Variants in PLAGL1 observed in about 807,000 individuals in gnomAD.
PLAGL1 encodes zinc finger protein PLAGL1.
PLAGL1 carries 1 observed loss-of-function variant against 4.6 expected under a neutral mutation model. The ratio of observed to expected loss-of-function variants is 0.22; its 90% confidence interval spans 0.08 to 1.03. The LOEUF is 1.03. PLAGL1 is among the 50% of genes least tolerant of loss of function. PLAGL1 has a pLI of 0.58. For synonymous variants in PLAGL1, 240 were observed against 237.8 expected, an observed-to-expected ratio of 1.01 and a Z score of -0.08; for missense variants, 464 against 570.4, an observed-to-expected ratio of 0.81 and a Z score of 1.90.
In PLAGL1 at chr6:143,952,360, T is replaced by C. The variant is rs1421064993; in HGVS notation, c.-324-3900A>G. ...CTGTGACTTGACATAGAAATTGCAT[T>C]TGAGTCTTAAATACGGTGCTATTTC... On this transcript the variant is annotated intron_variant, in intron 6 of 7. Coordinates refer to ENST00000674357, the MANE Select transcript of PLAGL1 (RefSeq NM_001317162.2). The surrounding 1 kb of genome is among the most constrained non-coding windows in gnomAD (Gnocchi z 6.1). Among the ~76,000 whole-genome samples, 2 of 152,144 alleles carry C rather than the reference T, an allele frequency of 1.3e-5. No individual in the cohort carries two copies. The highest frequency in any genetic ancestry group is 2.9e-5 in the Non-Finnish European group (2 of 68,024).
Position 144,006,089 on chromosome 6 carries a change from T to C in PLAGL1, c.-584+2001A>G, listed in dbSNP as rs1285508301. The C allele has an allele frequency of 6.6e-6, 1 of 152,200 alleles. No homozygotes were observed. Among genetic ancestry groups the C allele is most frequent in the East Asian group, 1.9e-4 (1 of 5,198 alleles). 9.4% of individuals were successfully genotyped at this position (152,200 alleles called of 1,614,324 possible). On this transcript the variant is annotated intron_variant, in intron 1 of 7. Transcript: ENST00000674357. This position sits in a 1 kb window ranked among gnomAD's most constrained non-coding sequence, Gnocchi z 4.3. Reference sequence around the variant, plus strand: ...CTCCTAAATGCTTTTTGAAATATTATAAATTAAGTTATAAGAATACATAAA... The same window carrying C: ...CTCCTAAATGCTTTTTGAAATATTACAAATTAAGTTATAAGAATACATAAA...
intron 1 of PLAGL1, among the ~76,000 whole-genome samples, chr6:144,018,541 A>T (rs761442002): frequency 6.6e-6 from 1 of 152,242 alleles, no homozygotes; most frequent in Non-Finnish European, 1.5e-5. Flanking sequence ...ACCACAAAAA[A>T]TAAGTATGTG....
intron 1 of PLAGL1, among the ~76,000 whole-genome samples, chr6:144,032,429 T>C (rs1261270393): frequency 6.6e-6 from 1 of 151,616 alleles, no homozygotes; most frequent in East Asian, 1.9e-4. Context: ...CAGCTACTTA[T>C]TGCAATTTTT....
intron 2 of PLAGL1, among the ~76,000 whole-genome samples, chr6:143,977,427 G>C (rs970135044): frequency 3.5e-5 from 5 of 141,950 alleles, no homozygotes; most frequent in Admixed American, 7.0e-5. Flanking sequence ...TTCATGGCTT[G>C]ATAGCTCACT....
chr6:144,027,269 AAGAAAGAAAGAAAGAAAG>A lies in PLAGL1; in HGVS notation c.-151+37181_-151+37198del, dbSNP rs1415912614. ...AAAGAAAGAAAGAAAGAAAGAAAGA[AAGAAAGAAAGAAAGAAAG>A]AAAGAAAGTTATTTGATCTGAAGTA... is the stretch of plus-strand genomic sequence containing the variant. On this transcript the variant is annotated intron_variant, in intron 1 of 3. Transcript: ENST00000437412. This position sits in a 1 kb window ranked among gnomAD's most constrained non-coding sequence, Gnocchi z 5.8. Among the ~76,000 whole-genome samples the A allele has an allele frequency of 6.8e-6, 1 of 146,478 alleles. No homozygotes were observed. Among genetic ancestry groups the A allele is most frequent in the Admixed American group, 7.3e-5 (1 of 13,748 alleles).
chr6:144,036,821 C>T lies in PLAGL1; in HGVS notation c.-151+27647G>A, dbSNP rs1797281007. On this transcript the variant is annotated intron_variant, in intron 1 of 3. Coordinates refer to the PLAGL1 transcript ENST00000437412. This position sits in a 1 kb window ranked among gnomAD's most constrained non-coding sequence, Gnocchi z 5.1. ...CCCATTATGACACTATTTGACTAAA[C>T]AGGTTTGAAATACTCTGGCATAAAA... 1.2e-5 allele frequency: 4 copies of T among 326,044 alleles called. No homozygotes were observed. Among genetic ancestry groups the T allele is most frequent in the South Asian group, 8.0e-5 (3 of 37,562 alleles). The allele number at this position is 326,044 out of a possible 1,614,324, so 20.2% of individuals were successfully genotyped here.
rs1562498957 is a variant in PLAGL1 at position 143,985,977 on chromosome 6, T to TA, written c.-583-804dup. On this transcript the variant is annotated intron_variant, in intron 1 of 7. Coordinates refer to ENST00000674357, the MANE Select transcript of PLAGL1 (RefSeq NM_001317162.2). This position sits in a 1 kb window ranked among gnomAD's most constrained non-coding sequence, Gnocchi z 4.4. Reference sequence around the variant, plus strand: ...ACATATATATCAAATTATATATATATAAAATTATATATATATATATATATA... The same window carrying TA: ...ACATATATATCAAATTATATATATATAAAAATTATATATATATATATATATA... 8.4e-4 allele frequency among the ~76,000 whole-genome samples: 64 copies of TA among 76,194 alleles called. 1 individual carries two copies. The highest frequency in any genetic ancestry group is 6.3e-3 in the Middle Eastern group (1 of 160). 50.0% of individuals were successfully genotyped at this position (76,194 alleles called of 152,430 possible). A position where few individuals can be genotyped will look rare whatever the true frequency, so the allele number is the denominator to read the frequency against.
chr6:144,023,821 G>C (rs139703030), intron 1 of PLAGL1, among the ~76,000 whole-genome samples: 1 of 116,480 alleles, frequency 8.6e-6, no homozygotes, highest in Admixed American at 1.2e-4. Flanking sequence ...CTGTTGCCCA[G>C]ACTGGAGTGC....
rs984418053 is a variant in PLAGL1, at chr6:144,022,670, A to T, written c.-151+41798T>A. Among the ~76,000 whole-genome samples, 1 of 152,154 alleles carries T rather than the reference A, an allele frequency of 6.6e-6. No homozygotes were observed. The highest frequency in any genetic ancestry group is 2.4e-5 in the African/African-American group (1 of 41,418). Reference sequence around the variant, plus strand: ...TTCACCAGATCTGATGGTTTTATGAAAGGGAGTTCCCTTGCACAAGCTCTC... The same window carrying T: ...TTCACCAGATCTGATGGTTTTATGATAGGGAGTTCCCTTGCACAAGCTCTC... On this transcript the variant is annotated intron_variant, in intron 1 of 3. Transcript: ENST00000437412. The surrounding 1 kb of genome is among the most constrained non-coding windows in gnomAD (Gnocchi z 4.2).
In PLAGL1 at chr6:143,990,307, G is replaced by T. The variant is rs1009881779; in HGVS notation, c.-583-5133C>A. On this transcript the variant is annotated intron_variant, in intron 1 of 7. Transcript: ENST00000674357. This position sits in a 1 kb window ranked among gnomAD's most constrained non-coding sequence, Gnocchi z 5.4. ...AGCTAATTTTTGTATTTTTATTAGAGACGGGGTTTCAACATGTTGGCCAGG... is the reference window on the plus strand; with the variant it reads ...AGCTAATTTTTGTATTTTTATTAGATACGGGGTTTCAACATGTTGGCCAGG... 6.6e-6 allele frequency among the ~76,000 whole-genome samples: 1 copy of T among 152,138 alleles called. No individual in the cohort carries two copies. The highest frequency in any genetic ancestry group is 1.9e-4 in the East Asian group (1 of 5,186).
Position 143,985,980 on chromosome 6 carries a change from A to AT in PLAGL1, c.-583-807_-583-806insA, listed in dbSNP as rs1788990232. On this transcript the variant is annotated intron_variant, in intron 1 of 7. Coordinates refer to ENST00000674357, the MANE Select transcript of PLAGL1 (RefSeq NM_001317162.2). This position sits in a 1 kb window ranked among gnomAD's most constrained non-coding sequence, Gnocchi z 4.4. ...TATATATCAAATTATATATATATAA[A>AT]ATTATATATATATATATATATATAT... Among the ~76,000 whole-genome samples the AT allele has an allele frequency of 7.4e-5, 4 of 54,028 alleles. No homozygotes were observed. Among genetic ancestry groups the AT allele is most frequent in the Non-Finnish European group, 9.7e-5 (2 of 20,690 alleles). 35.4% of individuals were successfully genotyped at this position (54,028 alleles called of 152,430 possible). A position where few individuals can be genotyped will look rare whatever the true frequency, so the allele number is the denominator to read the frequency against.
intron 1 of PLAGL1, among the ~76,000 whole-genome samples, chr6:144,033,707 G>C (rs1478818689): frequency 1.3e-5 from 2 of 152,184 alleles, no homozygotes; most frequent in African/African-American, 4.8e-5. Context: ...AACTGATCAG[G>C]TAACTTAACT....
At chr6:144,002,934 T>C (rs570182109) in intron 1 of PLAGL1, among the ~76,000 whole-genome samples, 1 of 151,472 alleles carries the variant, frequency 6.6e-6, no homozygotes. Flanking sequence ...AAAATTTATA[T>C]GGAAATGTAA....
At chr6:144,052,527 C>G (rs920743584) in intron 1 of PLAGL1, among the ~76,000 whole-genome samples, 3 of 152,126 alleles carry the variant, frequency 2.0e-5, no homozygotes, top group Non-Finnish European at 4.4e-5. Context: ...ACTCCCAGAG[C>G]CTAAACAGTG....
intron 2 of PLAGL1, among the ~76,000 whole-genome samples, chr6:143,976,411 G>C (rs1221903667): frequency 6.7e-6 from 1 of 148,842 alleles, no homozygotes; most frequent in Admixed American, 6.8e-5. Flanking sequence ...TTTCATCCAA[G>C]GCCTTGATAT....
chr6:144,045,777 G>T (rs1001041901), intron 1 of PLAGL1, among the ~76,000 whole-genome samples: 2 of 152,224 alleles, frequency 1.3e-5, no homozygotes, highest in Non-Finnish European at 2.9e-5. Flanking sequence ...ATATCCTGAA[G>T]AGTGTTTTCC....
At chr6:143,999,316 C>T (rs931745890) in intron 1 of PLAGL1, among the ~76,000 whole-genome samples, 3 of 152,112 alleles carry the variant, frequency 2.0e-5, no homozygotes, top group Non-Finnish European at 2.9e-5. Flanking sequence ...CAAACATAAG[C>T]CCCCAAGCCA....
rs1554262158 is a variant in PLAGL1, at chr6:143,978,659, AT to A, written c.-544+6475del. Among the ~76,000 whole-genome samples the A allele has an allele frequency of 6.6e-6, 1 of 152,188 alleles. No homozygotes were observed. Among genetic ancestry groups the A allele is most frequent in the Non-Finnish European group, 1.5e-5 (1 of 68,016 alleles). On this transcript the variant is annotated intron_variant, in intron 2 of 7. Transcript: ENST00000674357. The surrounding 1 kb of genome is among the most constrained non-coding windows in gnomAD (Gnocchi z 4.6). ...CCAGATTCCTTTCTAATTTAATTCC[AT>A]TATGGTCAGTGAACACTCTTTGTAT...
chr6:144,001,605 T>G (rs1792898990), intron 1 of PLAGL1, among the ~76,000 whole-genome samples: 1 of 152,168 alleles, frequency 6.6e-6, no homozygotes, highest in African/African-American at 2.4e-5. Context: ...TTGATATCCC[T>G]CCCTTCCTTT....
Sources: allele counts gnomAD v4.1 joint callset (sites outside exome capture counted in the v4.1 genomes callset), GRCh38; gene constraint gnomAD v4.1.1; non-coding constraint Gnocchi (gnomAD v3.1); transcripts MANE v1.5; gene names NCBI Gene and HGNC (gene_info 2026-07-23, HGNC 2026-07-21).